The following RPS6KA2 variants were observed in gnomAD, a reference collection of about 807,000 sequenced individuals.
RPS6KA2 encodes ribosomal protein S6 kinase alpha-2.
Under a neutral mutation model 91.8 loss-of-function variants are expected in RPS6KA2, and 42 were observed. The observed-to-expected ratio is 0.46, with a 90% CI of 0.36 to 0.59. The LOEUF (loss-of-function observed/expected upper bound fraction) is 0.59. Ranked by LOEUF, RPS6KA2 falls within the 20% of genes least tolerant of loss-of-function variation. The pLI is 0.00. For missense variants in RPS6KA2, 798 were observed against 978.5 expected (o/e 0.82, Z 2.46); for synonymous variants, 414 against 393.6 (o/e 1.05, Z -0.61).
In RPS6KA2 at chr6:166,456,455, T is replaced by C. The variant is rs141752365; in HGVS notation, c.1075+2994A>G. Among the ~76,000 whole-genome samples the C allele has an allele frequency of 4.6e-3, 696 of 152,366 alleles. 6 individuals are homozygous for C. Among genetic ancestry groups the C allele is most frequent in the African/African-American group, 0.016 (661 of 41,584 alleles). On this transcript the variant is annotated intron_variant, in intron 12 of 20. Transcript: ENST00000265678. ...CTCTCATGGTCCTGTGGGTATTTCC[T>C]GATTTGTGGAGTCTGCCTGATCGGT...
In RPS6KA2 at chr6:166,768,851, G is replaced by A. The variant is rs144805873; in HGVS notation, c.123+89349C>T. Among the ~76,000 whole-genome samples the A allele has an allele frequency of 6.6e-3, 1,010 of 152,204 alleles. 12 individuals carry two copies. Among genetic ancestry groups the A allele is most frequent in the African/African-American group, 0.023 (953 of 41,520 alleles). ...CACTGCCAGGAGTTTAACCTACTCC[G>A]GGCCTAAAGGCAGTGGAGGGGATTT... On this transcript the variant is annotated intron_variant, in intron 2 of 21. Coordinates refer to the RPS6KA2 transcript ENST00000503859.
chr6:166,550,249 G>A (rs948031534), intron 1 of RPS6KA2, among the ~76,000 whole-genome samples: 12 of 152,040 alleles, frequency 7.9e-5, no homozygotes. Context: ...TAAACTATGC[G>A]ACATTCCCTC....
chr6:166,536,286 T>C (rs1165285930), intron 2 of RPS6KA2, among the ~76,000 whole-genome samples: 2 of 152,178 alleles, frequency 1.3e-5, no homozygotes, highest in Non-Finnish European at 2.9e-5. Flanking sequence ...GAAGAACAGG[T>C]GCTTTCTGCA....
intron 2 of RPS6KA2, among the ~76,000 whole-genome samples, chr6:166,720,274 A>G (rs1790135858): frequency 6.6e-6 from 1 of 152,218 alleles, no homozygotes; most frequent in Non-Finnish European, 1.5e-5. Flanking sequence ...CTTGGAATGC[A>G]CTATTTATAA....
chr6:166,560,458 C>A (rs1318375060), intron 1 of RPS6KA2, among the ~76,000 whole-genome samples: 1 of 152,194 alleles, frequency 6.6e-6, no homozygotes, highest in African/African-American at 2.4e-5. Context: ...TGAATGTTCT[C>A]AAGCACAGTG....
intron 3 of RPS6KA2, among the ~76,000 whole-genome samples, chr6:166,510,834 T>C (rs372206867): frequency 3.3e-5 from 5 of 151,936 alleles, no homozygotes; most frequent in African/African-American, 1.2e-4. Context: ...TCAATTATAT[T>C]GGTTGTTAAA....
chr6:166,506,462 A>G (rs1030297628), intron 5 of RPS6KA2, among the ~76,000 whole-genome samples: 7 of 152,164 alleles, frequency 4.6e-5, no homozygotes, highest in African/African-American at 1.7e-4. Context: ...ATGATACCAC[A>G]TGAGGAATGG....
intron 1 of RPS6KA2, among the ~76,000 whole-genome samples, chr6:166,624,647 A>T (rs1414539943): frequency 6.6e-6 from 1 of 152,116 alleles, no homozygotes; most frequent in Non-Finnish European, 1.5e-5. Context: ...CCAGCCCAAG[A>T]CCCGGTCCTC....
At chr6:166,791,605 A>G (rs1779092320) in intron 2 of RPS6KA2, among the ~76,000 whole-genome samples, 1 of 152,230 alleles carries the variant, frequency 6.6e-6, no homozygotes, top group African/African-American at 2.4e-5. Flanking sequence ...AATTGACCAC[A>G]TAGTTGGAAG....
chr6:166,510,179 T>G, intron 4 of RPS6KA2, 98 bp downstream of exon 4: 1 of 751,812 alleles, frequency 1.3e-6, no homozygotes, highest in Non-Finnish European at 2.3e-6. Flanking sequence ...ATAGGAAAGA[T>G]TTTCTTCTTT....
At position 166,595,458 on chromosome 6, in the gene RPS6KA2, G is replaced by A. The variant is rs531179839; in HGVS notation, c.99+31463C>T. Among the ~76,000 whole-genome samples the A allele has an allele frequency of 3.8e-4, 58 of 152,318 alleles. No individual in the cohort carries two copies. The South Asian group carries it at 0.011, about 28-fold the overall frequency. On this transcript the variant is annotated intron_variant, in intron 1 of 20. Transcript: ENST00000265678. ...CGACAGCAAAGCTGCCCAGGGAAGCGGTTGTATCCTCCACCCGCACAGACT... is the reference window on the plus strand; with the variant it reads ...CGACAGCAAAGCTGCCCAGGGAAGCAGTTGTATCCTCCACCCGCACAGACT...
At chr6:166,853,210 G>A (rs898559403) in intron 2 of RPS6KA2, among the ~76,000 whole-genome samples, 3 of 152,344 alleles carry the variant, frequency 2.0e-5, no homozygotes, top group South Asian at 2.1e-4. Context: ...AGGCCAAGGC[G>A]AGAGGATCGT....
At chr6:166,504,647 C>G in intron 5 of RPS6KA2, 35 bp from the exon 6 acceptor site, 1 of 1,441,230 alleles carries the variant, frequency 6.9e-7, no homozygotes, top group Non-Finnish European at 9.7e-7. Context: ...AAACAAAAAA[C>G]GTTTAACTTG....
intron 2 of RPS6KA2, among the ~76,000 whole-genome samples, chr6:166,653,043 T>C (rs1419746225): frequency 6.6e-6 from 1 of 152,192 alleles, no homozygotes; most frequent in African/African-American, 2.4e-5. Context: ...TGCCCATTAT[T>C]CCATTTTTCT....
chr6:166,463,612 G>A (rs1161313621), intron 11 of RPS6KA2: 1 of 152,152 alleles, frequency 6.6e-6, no homozygotes, highest in African/African-American at 2.4e-5. Context: ...GAAGAGGACC[G>A]AGACAGCAAC....
At chr6:166,751,280 G>T (rs1041255788) in intron 2 of RPS6KA2, among the ~76,000 whole-genome samples, 9 of 152,226 alleles carry the variant, frequency 5.9e-5, no homozygotes, top group African/African-American at 2.2e-4. Flanking sequence ...CTCTGGCCAG[G>T]TGCGTTCAGG....
chr6:166,447,695 C>T (rs925331060), intron 14 of RPS6KA2, among the ~76,000 whole-genome samples: 6 of 152,214 alleles, frequency 3.9e-5, no homozygotes, highest in African/African-American at 1.4e-4. Flanking sequence ...TTTGAACAAT[C>T]TCTTCAGAGT....
At chr6:166,442,032 C>A (rs975125513) in intron 14 of RPS6KA2, among the ~76,000 whole-genome samples, 5 of 152,256 alleles carry the variant, frequency 3.3e-5, no homozygotes, top group African/African-American at 9.6e-5. Context: ...GGACCTTTCA[C>A]TGGGGTACAC....
intron 1 of RPS6KA2, among the ~76,000 whole-genome samples, chr6:166,597,517 T>C (rs1785576843): frequency 6.6e-6 from 1 of 152,000 alleles, no homozygotes. Context: ...AGGAAGAGCA[T>C]CTCTTCTTCT....
Sources: allele counts gnomAD v4.1 joint callset (sites outside exome capture counted in the v4.1 genomes callset), GRCh38; gene constraint gnomAD v4.1.1; transcripts MANE v1.5; gene names NCBI Gene and HGNC (gene_info 2026-07-23, HGNC 2026-07-21).